The following KIDINS220 variants were observed in gnomAD, a reference collection of about 807,000 sequenced individuals.
KIDINS220 encodes the protein kinase D interacting substrate 220, also known as kinase D-interacting substrate of 220 kDa.
KIDINS220 carries 63 observed loss-of-function variants against 157.6 expected under a neutral mutation model. That is an observed-to-expected ratio of 0.40 (90% CI 0.33 to 0.49). KIDINS220 has a LOEUF of 0.49. Among genes scored for constraint, KIDINS220 ranks in the 20% least tolerant of loss-of-function variants. The pLI, the probability that KIDINS220 is intolerant of heterozygous loss-of-function variation, is 0.66. For missense variants in KIDINS220, 1,772 were observed against 2,171.2 expected (o/e 0.82, Z 3.65); for synonymous variants, 732 against 783.6 (o/e 0.93, Z 1.10).
downstream of KIDINS220, chr2:8,724,383 G>C (rs944739683): frequency 6.6e-6 from 1 of 152,206 alleles, no homozygotes; most frequent in African/African-American, 2.4e-5. This position sits in a 1 kb window ranked among gnomAD's most constrained non-coding sequence, Gnocchi z 4.6. Flanking sequence ...TGAGTAGCTG[G>C]GGCCATAGAC....
At position 8,790,108 on chromosome 2, in the gene KIDINS220, T is replaced by C. The variant is rs1035375949; in HGVS notation, c.1442-49A>G. ...CCTTATTCCTGTTTTGTTTAAGAAA[T>C]ACAACTTTTAACTCAATATGCAGTT... On this transcript the variant is annotated intron_variant, in intron 13 of 29. Transcript: ENST00000256707. 3.3e-6 allele frequency: 5 copies of C among 1,518,412 alleles called. No homozygotes were observed. The African/African-American group carries it at 5.6e-5, about 17-fold the overall frequency. The allele number at this position is 1,518,412 out of a possible 1,614,324, so 94.1% of individuals were successfully genotyped here.
intron 1 of KIDINS220, among the ~76,000 whole-genome samples, chr2:8,831,832 A>G (rs7578535): frequency 0.27 from 40,406 of 152,122 alleles, 5,678 homozygotes; most frequent in Middle Eastern, 0.33. Flanking sequence ...GCCAACATCA[A>G]ACAAGGTCAC....
chr2:8,785,689 A>G (rs371276084), intron 17 of KIDINS220, 52 bp downstream of exon 17: 13 of 1,462,562 alleles, frequency 8.9e-6, no homozygotes, highest in Non-Finnish European at 1.0e-5. Context: ...TGAGCATGGC[A>G]GTGGCAACAT....
At position 8,731,764 on chromosome 2, in the gene KIDINS220, C is replaced by T; in HGVS notation, c.4272G>A (p.Gly1424=). Residue 1424 remains glycine, a synonymous_variant, in exon 30 of 30, where the codon GGG becomes GGA. Coordinates refer to ENST00000256707, the MANE Select transcript of KIDINS220 (RefSeq NM_020738.4). The surrounding 1 kb of genome is among the most constrained non-coding windows in gnomAD (Gnocchi z 5.2). ...STYYMGQSSS[G]GSIHSNLEQE... ...GCTCTAGGTTTGAATGAATAGAGCC[C>T]CCTGATGAACTCTGACCCATGTAAT... 1 of 1,614,036 alleles carries T rather than the reference C, an allele frequency of 6.2e-7. No homozygotes were observed. The highest frequency in any genetic ancestry group is 2.2e-5 in the East Asian group (1 of 44,882).
At chr2:8,811,306 A>C (rs1676279152) in intron 6 of KIDINS220, among the ~76,000 whole-genome samples, 1 of 152,112 alleles carries the variant, frequency 6.6e-6, no homozygotes, top group East Asian at 1.9e-4. Flanking sequence ...AAAAAAAAAA[A>C]AAAAGAGCAG....
chr2:8,786,273 A>G lies in KIDINS220; in HGVS notation c.1872T>C (p.Ala624=). 1 of 1,614,128 alleles carries G rather than the reference A, an allele frequency of 6.2e-7. No homozygotes were observed. The highest frequency in any genetic ancestry group is 8.5e-7 in the Non-Finnish European group (1 of 1,179,974). The part of the protein sequence containing the change: ...LAEMIATLSD[A]CEREFGFLAT... ...CCAAAAAGCCAAACTCTCTTTCACA[A>G]GCATCCGAGAGGGTTGCAATCATTT... Residue 624 remains alanine (A), a synonymous_variant, in exon 16 of 30, where the codon GCT becomes GCC. Coordinates refer to ENST00000256707, the MANE Select transcript of KIDINS220 (RefSeq NM_020738.4).
chr2:8,722,124 T>G (rs1249238642), downstream of KIDINS220: 3 of 152,186 alleles, frequency 2.0e-5, no homozygotes, highest in Non-Finnish European at 4.4e-5. Flanking sequence ...TCTCTTTCAT[T>G]AAACCTAAGC....
rs1256147103 is a variant in KIDINS220 at position 8,729,525 on chromosome 2, T to A, written c.*1195A>T. ...CCACACAGTACTTCAATGTGACCATTCTCTTAACTCGGCTAATAATTAATG... is the reference window on the plus strand; with the variant it reads ...CCACACAGTACTTCAATGTGACCATACTCTTAACTCGGCTAATAATTAATG... On this transcript the variant is annotated 3_prime_UTR_variant, in exon 30 of 30. Transcript: ENST00000256707. 1.0e-6 allele frequency: 1 copy of A among 983,208 alleles called. No homozygotes were observed. Among genetic ancestry groups the A allele is most frequent in the Non-Finnish European group, 1.2e-6 (1 of 827,990 alleles). 60.9% of individuals were successfully genotyped at this position (983,208 alleles called of 1,614,324 possible).
intron 29 of KIDINS220, among the ~76,000 whole-genome samples, chr2:8,732,539 C>T (rs1375886679): frequency 6.6e-6 from 1 of 152,030 alleles, no homozygotes; most frequent in Non-Finnish European, 1.5e-5. Context: ...AGTTTATTTC[C>T]AATATTAAGT....
intron 12 of KIDINS220, among the ~76,000 whole-genome samples, chr2:8,793,264 T>C (rs900314334): frequency 1.3e-5 from 2 of 152,056 alleles, no homozygotes; most frequent in African/African-American, 2.4e-5. Flanking sequence ...TCCCAGCACT[T>C]TGGGAGGCCA....
At chr2:8,830,809 T>C (rs1679507973) in intron 1 of KIDINS220, among the ~76,000 whole-genome samples, 2 of 152,210 alleles carry the variant, frequency 1.3e-5, no homozygotes, top group African/African-American at 2.4e-5. Flanking sequence ...CTGCCCAGGC[T>C]GGATCTGTTG....
chr2:8,823,981 A>G (rs1678384684), intron 2 of KIDINS220, among the ~76,000 whole-genome samples: 1 of 152,104 alleles, frequency 6.6e-6, no homozygotes, highest in African/African-American at 2.4e-5. Context: ...GACTCAAAAA[A>G]AAAACATAGA....
chr2:8,778,044 T>C lies in KIDINS220; in HGVS notation c.2703+595A>G, dbSNP rs569246143. On this transcript the variant is annotated intron_variant, in intron 20 of 29. Coordinates refer to ENST00000256707, the MANE Select transcript of KIDINS220 (RefSeq NM_020738.4). ...ACTTCACTGAGTGTGAGTGGCACTG[T>C]CACAACTGCCCTGCAAGTGAATATC... is the stretch of plus-strand genomic sequence containing the variant. Among the ~76,000 whole-genome samples the C allele has an allele frequency of 2.0e-5, 3 of 152,296 alleles. No individual in the cohort carries two copies. In the East Asian group the frequency reaches 5.8e-4, roughly 29 times the overall value.
At chr2:8,819,018 A>G (rs558813498) in intron 2 of KIDINS220, among the ~76,000 whole-genome samples, 1 of 152,342 alleles carries the variant, frequency 6.6e-6, no homozygotes, top group African/African-American at 2.4e-5. Context: ...AGTATTAATA[A>G]TCTGTTTTTG....
At position 8,746,103 on chromosome 2, in the gene KIDINS220, ATTTT is replaced by A. The variant is rs1231470460; in HGVS notation, c.3585+1038_3585+1041del. ...ATTAAGTACGAAGTCTTATACAGTA[ATTTT>A]TTTTTTTTTTTTGAGACCGAGTCTC... On this transcript the variant is annotated intron_variant, in intron 26 of 29. Transcript: ENST00000256707. Among the ~76,000 whole-genome samples the A allele has an allele frequency of 6.8e-4, 95 of 140,572 alleles. 1 individual carries two copies. Among genetic ancestry groups the A allele is most frequent in the African/African-American group, 2.4e-3 (92 of 38,114 alleles). 92.2% of individuals were successfully genotyped at this position (140,572 alleles called of 152,430 possible).
chr2:8,732,823 G>A (rs141013224), intron 29 of KIDINS220, among the ~76,000 whole-genome samples: 1,854 of 152,064 alleles, frequency 0.012, 12 homozygotes, highest in Non-Finnish European at 0.017. Flanking sequence ...CTCCTCCCCC[G>A]TTGTTCTCCA....
At chr2:8,747,715 A>G (rs1666779283) in intron 25 of KIDINS220, 172 bp downstream of exon 25, 1 of 403,614 alleles carries the variant, frequency 2.5e-6, no homozygotes, top group Admixed American at 4.5e-5. Flanking sequence ...CCTTCCATAG[A>G]TATTTACCAG....
chr2:8,797,578 T>A (rs1382482775), intron 10 of KIDINS220, among the ~76,000 whole-genome samples: 1 of 152,220 alleles, frequency 6.6e-6, no homozygotes, highest in Non-Finnish European at 1.5e-5. Flanking sequence ...CCGGTCCTGA[T>A]CTACAGCAGA....
intron 18 of KIDINS220, 58 bp from the exon 19 acceptor site, chr2:8,779,197 G>GGCATCTCTTCAAAATATGT: frequency 6.4e-7 from 1 of 1,572,388 alleles, no homozygotes; most frequent in South Asian, 1.1e-5. Flanking sequence ...AAAAGAATAA[G>GGCATCTCTTCAAAATATGT]GCATCTCTTC....
Sources: gnomAD v4.1 joint callset for allele counts (sites outside exome capture counted in the v4.1 genomes callset) on GRCh38, gnomAD v4.1.1 for gene constraint, Gnocchi (gnomAD v3.1) non-coding constraint, MANE v1.5 for transcripts, NCBI Gene and HGNC (gene_info 2026-07-23, HGNC 2026-07-21) for gene names.